The following CAPZB variants were observed in gnomAD, a reference collection of about 807,000 sequenced individuals.
The protein encoded by CAPZB is capping actin protein of muscle Z-line subunit beta.
CAPZB carries 2 observed loss-of-function variants against 38.1 expected under a neutral mutation model. The observed-to-expected ratio is 0.05, with a 90% CI of 0.02 to 0.17. The LOEUF (loss-of-function observed/expected upper bound fraction) is 0.17, where lower values mean the gene tolerates loss of function less well. Ranked by LOEUF, CAPZB falls within the 10% of genes least tolerant of loss-of-function variation. CAPZB has a pLI of 1.00. For synonymous variants in CAPZB, 107 were observed against 127.4 expected, an observed-to-expected ratio of 0.84 and a Z score of 1.08; for missense variants, 161 against 334.2, an observed-to-expected ratio of 0.48 and a Z score of 4.04.
intron 4 of CAPZB, among the ~76,000 whole-genome samples, chr1:19,369,306 T>C (rs1286657028): frequency 6.6e-6 from 1 of 152,156 alleles, no homozygotes; most frequent in Non-Finnish European, 1.5e-5. Flanking sequence ...CTAGGAGCAG[T>C]GGTCACGAAA....
intron 8 of CAPZB, among the ~76,000 whole-genome samples, chr1:19,340,917 G>C (rs1028223145): frequency 4.6e-5 from 7 of 152,262 alleles, no homozygotes; most frequent in Admixed American, 3.3e-4. Flanking sequence ...CACTCAGCCG[G>C]ACTCTCACGT....
At chr1:19,476,747 G>C (rs1490139579) in intron 1 of CAPZB, among the ~76,000 whole-genome samples, 5 of 152,344 alleles carry the variant, frequency 3.3e-5, no homozygotes, top group Admixed American at 3.3e-4. Context: ...ACAGATTGCA[G>C]TTCACAAAGT....
chr1:19,441,664 A>G (rs2094476935), intron 1 of CAPZB, among the ~76,000 whole-genome samples: 1 of 149,530 alleles, frequency 6.7e-6, no homozygotes, highest in Non-Finnish European at 1.5e-5. Flanking sequence ...TCCCCAGTGT[A>G]GAAGGCAGAC....
chr1:19,345,097 G>C, intron 7 of CAPZB, 90 bp downstream of exon 7: 1 of 967,786 alleles, frequency 1.0e-6, no homozygotes, highest in South Asian at 1.3e-5. Context: ...AGAGAAAGCA[G>C]CAGAGAAGGA....
chr1:19,376,561 C>T (rs2094145647), intron 4 of CAPZB, among the ~76,000 whole-genome samples: 2 of 152,244 alleles, frequency 1.3e-5, no homozygotes, highest in South Asian at 2.1e-4. Flanking sequence ...GAGACCCTGG[C>T]ACAACCAGCC....
intron 4 of CAPZB, among the ~76,000 whole-genome samples, chr1:19,369,719 G>T (rs1262037738): frequency 1.3e-5 from 2 of 152,216 alleles, no homozygotes; most frequent in Admixed American, 6.5e-5. Context: ...TCTAGGCAAG[G>T]AAATGAGAAC....
chr1:19,440,861 C>T (rs2094473726), intron 1 of CAPZB, among the ~76,000 whole-genome samples: 1 of 152,156 alleles, frequency 6.6e-6, no homozygotes, highest in South Asian at 2.1e-4. Context: ...GAGATCGAGA[C>T]CACCTTGGCT....
rs796288483 is a variant in CAPZB at position 19,450,156 on chromosome 1, AAAAAAAAAAAAAAG to A, written c.4-30420_4-30407del. Reference sequence around the variant, plus strand: ...AAGACCCTGTCTCCAAAAAAAAAAAAAAAAAAAAAAAAAGAAAAGAAAAGAAAAGAAGAAAAAAT... The same window carrying A: ...AAGACCCTGTCTCCAAAAAAAAAAAAAAAAGAAAAGAAAAGAAGAAAAAAT... On this transcript the variant is annotated intron_variant, in intron 1 of 8. Coordinates refer to ENST00000264202, the MANE Select transcript of CAPZB (RefSeq NM_004930.5). 9.7e-3 allele frequency among the ~76,000 whole-genome samples: 1,179 copies of A among 122,036 alleles called. 11 individuals carry two copies. Among genetic ancestry groups the A allele is most frequent in the African/African-American group, 0.03 (1,074 of 35,364 alleles). The allele number at this position is 122,036 out of a possible 152,430, so 80.1% of individuals were successfully genotyped here.
chr1:19,417,408 C>T (rs1188733517), intron 2 of CAPZB, among the ~76,000 whole-genome samples: 1 of 152,174 alleles, frequency 6.6e-6, no homozygotes, highest in African/African-American at 2.4e-5. Flanking sequence ...AAACAAGCCC[C>T]TGCAGCTGAC....
chr1:19,430,632 A>C (rs1051966846), intron 1 of CAPZB, among the ~76,000 whole-genome samples: 76 of 152,134 alleles, frequency 5.0e-4, no homozygotes, highest in African/African-American at 1.8e-3. Flanking sequence ...CTGCTCTTCT[A>C]TTTCCCCTTT....
chr1:19,476,217 T>TAGACAGACAGACAGAC (rs1225587567), intron 1 of CAPZB, among the ~76,000 whole-genome samples: 2 of 74,840 alleles, frequency 2.7e-5, no homozygotes, highest in African/African-American at 7.5e-5. Context: ...GATAGATAGA[T>TAGACAGACAGACAGAC]AGATAGATAG....
At chr1:19,476,946 T>C (rs1271222747) in intron 1 of CAPZB, among the ~76,000 whole-genome samples, 1 of 152,134 alleles carries the variant, frequency 6.6e-6, no homozygotes. Context: ...ATGCGCTGAG[T>C]GCGGTGGACC....
At chr1:19,479,487 G>A (rs942423447) in intron 1 of CAPZB, among the ~76,000 whole-genome samples, 4 of 152,206 alleles carry the variant, frequency 2.6e-5, no homozygotes, top group Admixed American at 6.5e-5. Context: ...ATAGCTGTGT[G>A]TCAATGATAA....
At chr1:19,380,837 G>C (rs180743273) in intron 3 of CAPZB, among the ~76,000 whole-genome samples, 1 of 151,988 alleles carries the variant, frequency 6.6e-6, no homozygotes, top group East Asian at 1.9e-4. Context: ...ACAGTGCCTG[G>C]CACTCAACTA....
At chr1:19,437,821 C>A (rs2094463021) in intron 1 of CAPZB, among the ~76,000 whole-genome samples, 1 of 152,140 alleles carries the variant, frequency 6.6e-6, no homozygotes, top group African/African-American at 2.4e-5. Context: ...CTTTCATTTG[C>A]CAATTTTTAA....
At chr1:19,409,210 G>A (rs561017124) in intron 2 of CAPZB, among the ~76,000 whole-genome samples, 1 of 152,156 alleles carries the variant, frequency 6.6e-6, no homozygotes, top group East Asian at 1.9e-4. Flanking sequence ...TGCTCTTAAT[G>A]GATAATGGAG....
intron 4 of CAPZB, among the ~76,000 whole-genome samples, chr1:19,365,500 T>C (rs2094078788): frequency 6.6e-6 from 1 of 152,178 alleles, no homozygotes; most frequent in Non-Finnish European, 1.5e-5. Flanking sequence ...AGGAGGGCTC[T>C]GGTCTGGGCA....
Position 19,482,976 on chromosome 1 carries a change from G to GT in CAPZB, c.3+2459dup, listed in dbSNP as rs1451508091. Among the ~76,000 whole-genome samples, 6 of 152,288 alleles carry GT rather than the reference G, an allele frequency of 3.9e-5. No homozygotes were observed. In the East Asian group the frequency reaches 7.7e-4, roughly 20 times the overall value. ...GAGAATGAATATGAAATCCAAGCAG[G>GT]TAAGTTCATGGACACAGACACATGC... On this transcript the variant is annotated intron_variant, in intron 1 of 8. Coordinates refer to ENST00000264202, the MANE Select transcript of CAPZB (RefSeq NM_004930.5).
chr1:19,460,403 A>C (rs908242773), intron 1 of CAPZB, among the ~76,000 whole-genome samples: 1 of 151,938 alleles, frequency 6.6e-6, no homozygotes, highest in Non-Finnish European at 1.5e-5. Flanking sequence ...CAGCCTCCCG[A>C]GTAGCTGGGA....
Sources: allele counts gnomAD v4.1 joint callset (sites outside exome capture counted in the v4.1 genomes callset), GRCh38; gene constraint gnomAD v4.1.1; transcripts MANE v1.5; gene names NCBI Gene and HGNC (gene_info 2026-07-23, HGNC 2026-07-21).